GTF2B: variants seen among roughly 807,000 people sequenced by gnomAD.
The protein encoded by GTF2B is general transcription factor IIB.
Under a neutral mutation model 34.6 loss-of-function variants are expected in GTF2B, and 20 were observed. The observed-to-expected ratio is 0.58, with a 90% CI of 0.41 to 0.84. GTF2B has a LOEUF of 0.84. Among genes scored for constraint, GTF2B ranks in the 40% least tolerant of loss-of-function variants. GTF2B has a pLI of 0.00. For synonymous variants in GTF2B, 142 were observed against 132.4 expected, an observed-to-expected ratio of 1.07 and a Z score of -0.50; for missense variants, 237 against 393.3, an observed-to-expected ratio of 0.60 and a Z score of 3.36.
intron 2 of GTF2B, among the ~76,000 whole-genome samples, chr1:88,882,115 G>A (rs1158369729): frequency 6.6e-6 from 1 of 151,916 alleles, no homozygotes; most frequent in Non-Finnish European, 1.5e-5. Context: ...TTTAAAACTA[G>A]CCTGGACAAC....
intron 1 of GTF2B, among the ~76,000 whole-genome samples, 156 bp downstream of exon 1, chr1:88,891,327 C>T (rs1350102320): frequency 6.6e-6 from 1 of 152,214 alleles, no homozygotes; most frequent in African/African-American, 2.4e-5. Flanking sequence ...GTCCTGCCGT[C>T]TGGAAGTGCC....
intron 2 of GTF2B, among the ~76,000 whole-genome samples, chr1:88,886,631 T>C (rs1256411725): frequency 1.3e-5 from 2 of 152,240 alleles, no homozygotes; most frequent in African/African-American, 4.8e-5. Context: ...CATTATTTAA[T>C]ATGCATGAGT....
In GTF2B at chr1:88,882,978, A is replaced by T. The variant is rs143355180; in HGVS notation, c.124+4283T>A. Among the ~76,000 whole-genome samples the T allele has an allele frequency of 3.6e-3, 541 of 152,328 alleles. 4 individuals carry two copies. Among genetic ancestry groups the T allele is most frequent in the African/African-American group, 0.012 (517 of 41,574 alleles). On this transcript the variant is annotated intron_variant, in intron 2 of 6. Coordinates refer to ENST00000370500, the MANE Select transcript of GTF2B (RefSeq NM_001514.6). ...TTCAAGTCTGAAAAACACTGCTGAA[A>T]ATATAGCTTGAGCCTGGAAAATATA...
intron 6 of GTF2B, among the ~76,000 whole-genome samples, chr1:88,854,842 T>G (rs1209927336): frequency 6.6e-6 from 1 of 152,226 alleles, no homozygotes; most frequent in Non-Finnish European, 1.5e-5. Flanking sequence ...TTCAGTTGAT[T>G]CAAATCAGTG....
intron 2 of GTF2B, among the ~76,000 whole-genome samples, chr1:88,870,691 C>T (rs1320412805): frequency 6.6e-6 from 1 of 152,126 alleles, no homozygotes; most frequent in Non-Finnish European, 1.5e-5. Flanking sequence ...CAATGCTTAA[C>T]TTTCATTTAT....
chr1:88,877,127 T>G (rs920025849), intron 2 of GTF2B, among the ~76,000 whole-genome samples: 6 of 152,234 alleles, frequency 3.9e-5, no homozygotes, highest in African/African-American at 1.4e-4. Flanking sequence ...GAATGGAGCC[T>G]AGAATCTTTT....
chr1:88,875,499 C>G (rs1673796692), intron 2 of GTF2B, among the ~76,000 whole-genome samples: 1 of 152,162 alleles, frequency 6.6e-6, no homozygotes, highest in African/African-American at 2.4e-5. Flanking sequence ...AGCTGATGCA[C>G]TGGTTGAAGG....
chr1:88,891,403 A>C (rs1674204140), intron 1 of GTF2B, 80 bp downstream of exon 1: 2 of 1,109,530 alleles, frequency 1.8e-6, no homozygotes, highest in Admixed American at 4.0e-5. Context: ...CAGCCCTACG[A>C]GGCTGCCCGG....
At chr1:88,862,452 G>A (rs1329094612) in intron 3 of GTF2B, among the ~76,000 whole-genome samples, 1 of 152,154 alleles carries the variant, frequency 6.6e-6, no homozygotes, top group Non-Finnish European at 1.5e-5. Flanking sequence ...TGAAGTGGAA[G>A]GATCGCTTCA....
At chr1:88,857,548 T>C (rs1212189132) in intron 5 of GTF2B, 61 bp from the exon 6 acceptor site, 1 of 811,746 alleles carries the variant, frequency 1.2e-6, no homozygotes, top group Non-Finnish European at 2.0e-6. Context: ...TCTTAAAATC[T>C]ACCATTTCTA....
chr1:88,856,153 C>T (rs1241490609), intron 6 of GTF2B, among the ~76,000 whole-genome samples: 4 of 151,488 alleles, frequency 2.6e-5, no homozygotes, highest in Middle Eastern at 3.4e-3. Flanking sequence ...GGCTGTAGTC[C>T]CAGTTACTCA....
chr1:88,868,913 CT>C (rs997655395), intron 2 of GTF2B, among the ~76,000 whole-genome samples: 2 of 151,864 alleles, frequency 1.3e-5, no homozygotes, highest in Non-Finnish European at 2.9e-5. Flanking sequence ...TTTTTTTGTA[CT>C]TTTTTTAGTG....
At chr1:88,880,724 G>A in intron 2 of GTF2B, among the ~76,000 whole-genome samples, 1 of 152,074 alleles carries the variant, frequency 6.6e-6, no homozygotes, top group East Asian at 1.9e-4. Context: ...GTAGTAAGTG[G>A]GGCCTGGCGC....
At chr1:88,859,843 C>T in intron 5 of GTF2B, 39 bp downstream of exon 5, 16 of 1,593,800 alleles carry the variant, frequency 1.0e-5, no homozygotes, top group Non-Finnish European at 1.4e-5. Flanking sequence ...CTCAAACAAA[C>T]AAACAAACAA....
At chr1:88,875,984 CA>C (rs1043804417) in intron 2 of GTF2B, among the ~76,000 whole-genome samples, 2 of 151,976 alleles carry the variant, frequency 1.3e-5, no homozygotes, top group African/African-American at 4.8e-5. Flanking sequence ...AAAATGGAAA[CA>C]AACCAGCTCA....
intron 2 of GTF2B, among the ~76,000 whole-genome samples, chr1:88,879,090 T>A (rs924465505): frequency 6.6e-6 from 1 of 152,214 alleles, no homozygotes; most frequent in South Asian, 2.1e-4. Context: ...AATTGGTTCC[T>A]GAAGTATTAT....
chr1:88,871,879 C>G lies in GTF2B; in HGVS notation c.125-7765G>C, dbSNP rs191967818. Among the ~76,000 whole-genome samples the G allele has an allele frequency of 2.2e-3, 337 of 152,066 alleles. 1 individual carries two copies. The highest frequency in any genetic ancestry group is 3.4e-3 in the Non-Finnish European group (233 of 67,964). On this transcript the variant is annotated intron_variant, in intron 2 of 6. Coordinates refer to ENST00000370500, the MANE Select transcript of GTF2B (RefSeq NM_001514.6). ...CCCGAGTAGCTGGGATTACAGGCAT[C>G]CACCACCACGCCCAGCTAATTTTTT...
chr1:88,863,898 G>A, intron 3 of GTF2B, 83 bp downstream of exon 3: 1 of 1,215,136 alleles, frequency 8.2e-7, no homozygotes, highest in Non-Finnish European at 1.2e-6. Flanking sequence ...CTGGTGCAGT[G>A]ACTGATACTT....
intron 2 of GTF2B, among the ~76,000 whole-genome samples, chr1:88,886,701 T>C (rs939575595): frequency 6.6e-6 from 1 of 152,210 alleles, no homozygotes; most frequent in East Asian, 1.9e-4. Flanking sequence ...ATGAAATTAC[T>C]GGGGCCTTTT....
Sources: allele counts gnomAD v4.1 joint callset (sites outside exome capture counted in the v4.1 genomes callset), GRCh38; gene constraint gnomAD v4.1.1; transcripts MANE v1.5; gene names NCBI Gene and HGNC (gene_info 2026-07-23, HGNC 2026-07-21).